KLHL1: variants seen among roughly 807,000 people sequenced by gnomAD.
KLHL1 encodes the protein kelch-like protein 1.
In KLHL1, 47 loss-of-function variants were observed where a neutral mutation model predicts 77.7. That is an observed-to-expected ratio of 0.60 (90% confidence interval 0.48 to 0.77). KLHL1 has a LOEUF of 0.77. Ranked by LOEUF, KLHL1 falls within the 30% of genes least tolerant of loss-of-function variation. The pLI, the probability that KLHL1 is intolerant of heterozygous loss-of-function variation, is 0.00. For synonymous variants in KLHL1, 360 were observed against 325.2 expected, an observed-to-expected ratio of 1.11 and a Z score of -1.15; for missense variants, 925 against 910.8, an observed-to-expected ratio of 1.02 and a Z score of -0.20.
At chr13:69,910,774 T>C (rs1428332089) in intron 4 of KLHL1, among the ~76,000 whole-genome samples, 1 of 151,798 alleles carries the variant, frequency 6.6e-6, no homozygotes, top group African/African-American at 2.4e-5. Flanking sequence ...AAATATAAAA[T>C]AGACATAAGT....
intron 6 of KLHL1, among the ~76,000 whole-genome samples, chr13:69,822,144 A>G (rs1445826928): frequency 1.3e-5 from 2 of 149,840 alleles, no homozygotes; most frequent in African/African-American, 4.9e-5. Flanking sequence ...GGTTGCAGTG[A>G]GCTGAGATCA....
rs1165205324 is a variant in KLHL1 at position 69,816,520 on chromosome 13, C to T, written c.1415-19558G>A. ...CTGAAAATGATCCACCCGCCTAGGC[C>T]TCCTAAAGTGCTGGGATTACAGGCA... is the stretch of plus-strand genomic sequence containing the variant. On this transcript the variant is annotated intron_variant, in intron 6 of 10. Transcript: ENST00000377844. Among the ~76,000 whole-genome samples the T allele has an allele frequency of 2.6e-5, 4 of 152,040 alleles. No individual in the cohort carries two copies. In the South Asian group the frequency reaches 8.3e-4, roughly 32 times the overall value.
chr13:69,849,129 A>C (rs182573062), intron 5 of KLHL1, among the ~76,000 whole-genome samples: 1 of 151,452 alleles, frequency 6.6e-6, no homozygotes, highest in East Asian at 2.0e-4. Flanking sequence ...ATATTTAGTC[A>C]GTGCTTATTT....
intron 1 of KLHL1, among the ~76,000 whole-genome samples, chr13:70,068,339 TCAAAAACAAAAA>T (rs72187113): frequency 5.5e-4 from 82 of 148,902 alleles, no homozygotes; most frequent in South Asian, 5.1e-3. Flanking sequence ...AGACTCCGTC[TCAAAAACAAAAA>T]CAAAAACAAA....
intron 4 of KLHL1, among the ~76,000 whole-genome samples, chr13:69,901,661 A>C (rs1649304600): frequency 6.6e-6 from 1 of 152,248 alleles, no homozygotes; most frequent in Admixed American, 6.5e-5. Context: ...TGTTGACCTA[A>C]ATTTTGAAAC....
intron 4 of KLHL1, among the ~76,000 whole-genome samples, chr13:69,885,152 G>T (rs1446778762): frequency 2.2e-5 from 3 of 136,558 alleles, no homozygotes; most frequent in Admixed American, 6.9e-5. Flanking sequence ...GTGTTAGCCA[G>T]GATGGTCTCG....
intron 5 of KLHL1, among the ~76,000 whole-genome samples, chr13:69,876,546 A>C (rs1432365196): frequency 6.6e-6 from 1 of 152,150 alleles, no homozygotes; most frequent in Non-Finnish European, 1.5e-5. Context: ...ATTAGATTAA[A>C]CCATATTCCT....
chr13:70,072,332 ATGTT>A (rs1236477379), intron 1 of KLHL1, among the ~76,000 whole-genome samples: 1 of 152,134 alleles, frequency 6.6e-6, no homozygotes, highest in Non-Finnish European at 1.5e-5. Context: ...GAATGCCCAG[ATGTT>A]TTTACTGGTG....
At chr13:69,777,046 A>T (rs1875866604) in intron 7 of KLHL1, among the ~76,000 whole-genome samples, 1 of 152,014 alleles carries the variant, frequency 6.6e-6, no homozygotes, top group South Asian at 2.1e-4. Flanking sequence ...GTGGGTGATA[A>T]ATTGAATCAT....
intron 1 of KLHL1, among the ~76,000 whole-genome samples, chr13:70,001,606 TCTATCTATCTAC>T (rs1359509721): frequency 6.6e-6 from 1 of 151,046 alleles, no homozygotes; most frequent in African/African-American, 2.4e-5. Flanking sequence ...TATCTATCTA[TCTATCTATCTAC>T]CTATCATCTT....
chr13:69,944,940 A>C (rs1287256962), intron 3 of KLHL1, among the ~76,000 whole-genome samples: 2 of 150,418 alleles, frequency 1.3e-5, no homozygotes, highest in Non-Finnish European at 3.0e-5. Context: ...CTCAAAATGG[A>C]TCACGAAGCT....
At chr13:70,042,676 G>A (rs1455998495) in intron 1 of KLHL1, among the ~76,000 whole-genome samples, 1 of 152,122 alleles carries the variant, frequency 6.6e-6, no homozygotes, top group Non-Finnish European at 1.5e-5. Flanking sequence ...ACTATTTGAT[G>A]TATTTACAAT....
intron 1 of KLHL1, among the ~76,000 whole-genome samples, chr13:70,095,793 G>A (rs1887775011): frequency 6.6e-6 from 1 of 151,834 alleles, no homozygotes; most frequent in South Asian, 2.1e-4. Flanking sequence ...CTATCTAACT[G>A]TATTTTTGTA....
In KLHL1 at chr13:70,107,873, G is replaced by C. The variant is rs188602966; in HGVS notation, c.-174C>G. 1 of 561,246 alleles carries C rather than the reference G, an allele frequency of 1.8e-6. No individual in the cohort carries two copies. Among genetic ancestry groups the C allele is most frequent in the Non-Finnish European group, 3.0e-6 (1 of 330,356 alleles). 34.8% of individuals were successfully genotyped at this position (561,246 alleles called of 1,614,324 possible). A position where few individuals can be genotyped will look rare whatever the true frequency, so the allele number is the denominator to read the frequency against. On this transcript the variant is annotated 5_prime_UTR_variant, in exon 1 of 11. Transcript: ENST00000377844. ...CGCTCTGCCAGGCGAAGGCTGGAGC[G>C]CAGACGGCAAAGCCGCGCGTTTCAG...
At chr13:69,889,244 C>A (rs1029837318) in intron 4 of KLHL1, among the ~76,000 whole-genome samples, 1 of 151,944 alleles carries the variant, frequency 6.6e-6, no homozygotes, top group African/African-American at 2.4e-5. Flanking sequence ...GATTATTTGC[C>A]TTGCCTGAAT....
At chr13:69,812,234 G>C (rs1292957786) in intron 6 of KLHL1, among the ~76,000 whole-genome samples, 1 of 151,988 alleles carries the variant, frequency 6.6e-6, no homozygotes, top group African/African-American at 2.4e-5. Context: ...TCTTAATCCT[G>C]AGTTCTAATT....
intron 3 of KLHL1, among the ~76,000 whole-genome samples, chr13:69,956,088 ATATATTTGATATATATATT>A (rs1484419861): frequency 2.1e-5 from 3 of 139,588 alleles, no homozygotes; most frequent in East Asian, 2.0e-4. Context: ...ATATATTTTT[ATATATTTGATATATATATT>A]TATATTTGAT....
At chr13:69,890,868 T>C (rs1011418245) in intron 4 of KLHL1, among the ~76,000 whole-genome samples, 2 of 152,066 alleles carry the variant, frequency 1.3e-5, no homozygotes, top group Non-Finnish European at 2.9e-5. Flanking sequence ...TTTGACTCTA[T>C]ATTGCTTCTT....
chr13:69,874,507 CTAA>C (rs1231664001), intron 5 of KLHL1, among the ~76,000 whole-genome samples: 2 of 152,010 alleles, frequency 1.3e-5, no homozygotes, highest in African/African-American at 2.4e-5. Context: ...TGGAAAAGGT[CTAA>C]TGATTTAAAT....
Sources: allele counts gnomAD v4.1 joint callset (sites outside exome capture counted in the v4.1 genomes callset), GRCh38; gene constraint gnomAD v4.1.1; transcripts MANE v1.5; gene names NCBI Gene and HGNC (gene_info 2026-07-23, HGNC 2026-07-21).